Variants in DACH1 observed in about 807,000 individuals in gnomAD.
DACH1 encodes the protein dachshund family transcription factor 1.
In DACH1, 12 loss-of-function variants were observed where a neutral mutation model predicts 54.2. The ratio of observed to expected loss-of-function variants is 0.22; its 90% CI spans 0.14 to 0.36. DACH1 has a LOEUF of 0.36. Among genes scored for constraint, DACH1 ranks in the 10% least tolerant of loss-of-function variants. DACH1 has a pLI of 1.00. For missense variants in DACH1, 805 were observed against 929.8 expected (o/e 0.87, Z 1.75); for synonymous variants, 386 against 366.2 (o/e 1.05, Z -0.62).
intron 2 of DACH1, among the ~76,000 whole-genome samples, chr13:71,679,704 G>A (rs780560103): frequency 2.0e-5 from 3 of 151,972 alleles, no homozygotes; most frequent in Non-Finnish European, 4.4e-5. Flanking sequence ...TGAAAAGTTG[G>A]CCAGGCGCAG....
intron 1 of DACH1, among the ~76,000 whole-genome samples, chr13:71,865,159 A>G (rs1043470921): frequency 6.6e-6 from 1 of 151,574 alleles, no homozygotes; most frequent in Admixed American, 6.6e-5. Flanking sequence ...GTACCCCTTT[A>G]TTTCCTTTGC....
intron 1 of DACH1, among the ~76,000 whole-genome samples, chr13:71,701,179 T>C (rs1882120784): frequency 6.6e-6 from 1 of 152,172 alleles, no homozygotes; most frequent in African/African-American, 2.4e-5. Flanking sequence ...AAAACACAGA[T>C]TCATTTAAAT....
At chr13:71,829,093 T>C (rs2138201858) in intron 1 of DACH1, among the ~76,000 whole-genome samples, 1 of 152,102 alleles carries the variant, frequency 6.6e-6, no homozygotes, top group South Asian at 2.1e-4. Flanking sequence ...CTTAAATATT[T>C]TAGTTTAAAT....
intron 1 of DACH1, among the ~76,000 whole-genome samples, chr13:71,727,761 C>T (rs1594142825): frequency 6.6e-6 from 1 of 152,004 alleles, no homozygotes. Context: ...ATCACTGATT[C>T]TATATTTAAT....
chr13:71,806,592 T>C (rs191579754), intron 1 of DACH1, among the ~76,000 whole-genome samples: 4 of 152,330 alleles, frequency 2.6e-5, no homozygotes, highest in Admixed American at 2.6e-4. Context: ...CTGTTACATA[T>C]CAGTACTTGT....
chr13:71,482,914 C>A (rs1878172486), intron 7 of DACH1, among the ~76,000 whole-genome samples: 1 of 151,636 alleles, frequency 6.6e-6, no homozygotes, highest in Non-Finnish European at 1.5e-5. Context: ...GATTCTCCTG[C>A]CTCAGCCTCC....
Position 71,866,590 on chromosome 13 carries a change from G to T in DACH1, c.180C>A (p.Ile60=). 1.5e-6 allele frequency: 2 copies of T among 1,298,444 alleles called. No individual in the cohort carries two copies. Among genetic ancestry groups the T allele is most frequent in the African/African-American group, 1.5e-5 (1 of 66,132 alleles). 80.4% of individuals were successfully genotyped at this position (1,298,444 alleles called of 1,614,324 possible). The part of the protein sequence containing the change: ...SGPTLFRPEP[I]ASAAAAAATV... ...TGGCCGCCGCCGCCGCCGCCGAAGC[G>T]ATGGGCTCCGGGCGGAACAGAGTTG... Residue 60 remains isoleucine, a synonymous_variant, in exon 1 of 11, where the codon ATC becomes ATA. Transcript: ENST00000613252.
intron 1 of DACH1, among the ~76,000 whole-genome samples, chr13:71,693,275 C>A (rs1451788093): frequency 6.7e-6 from 1 of 149,836 alleles, no homozygotes; most frequent in Non-Finnish European, 1.5e-5. Flanking sequence ...TATGATAATA[C>A]CCTCTTATCC....
At chr13:71,765,878 T>C (rs1026732563) in intron 1 of DACH1, among the ~76,000 whole-genome samples, 20 of 136,660 alleles carry the variant, frequency 1.5e-4, no homozygotes, top group Non-Finnish European at 3.0e-4. Context: ...ATTCTTCTTC[T>C]TCTTCATTTT....
At chr13:71,608,373 A>G (rs1875046822) in intron 3 of DACH1, among the ~76,000 whole-genome samples, 1 of 152,160 alleles carries the variant, frequency 6.6e-6, no homozygotes, top group African/African-American at 2.4e-5. Flanking sequence ...AGAGAAAATG[A>G]ATATGTTGGT....
intron 10 of DACH1, among the ~76,000 whole-genome samples, chr13:71,450,770 G>T (rs1178519860): frequency 1.3e-5 from 2 of 152,128 alleles, no homozygotes; most frequent in Non-Finnish European, 2.9e-5. Context: ...CCTTATTGCT[G>T]ATATGGAGAA....
intron 10 of DACH1, among the ~76,000 whole-genome samples, chr13:71,470,527 C>T (rs1190391806): frequency 6.6e-6 from 1 of 152,050 alleles, no homozygotes; most frequent in Non-Finnish European, 1.5e-5. Flanking sequence ...TGGGGTTTCA[C>T]TATGTTGGCC....
At chr13:71,736,989 G>A (rs972392643) in intron 1 of DACH1, among the ~76,000 whole-genome samples, 13 of 152,138 alleles carry the variant, frequency 8.5e-5, no homozygotes, top group Admixed American at 1.3e-4. Context: ...GGTGGCTCAC[G>A]CCTATAATCC....
intron 3 of DACH1, among the ~76,000 whole-genome samples, chr13:71,599,521 A>C (rs1005009447): frequency 5.9e-5 from 9 of 152,110 alleles, no homozygotes; most frequent in African/African-American, 2.2e-4. Context: ...TAAGAGAGAC[A>C]CTCAAAGCTA....
intron 1 of DACH1, among the ~76,000 whole-genome samples, chr13:71,803,153 C>T (rs1420935762): frequency 6.6e-6 from 1 of 151,906 alleles, no homozygotes; most frequent in Non-Finnish European, 1.5e-5. Flanking sequence ...AACAAGATAC[C>T]AATTTAATAT....
At chr13:71,584,347 T>C (rs1355282361) in intron 3 of DACH1, among the ~76,000 whole-genome samples, 2 of 152,180 alleles carry the variant, frequency 1.3e-5, no homozygotes, top group Admixed American at 6.5e-5. Context: ...CTATGAAGAG[T>C]TGCTTTTCAG....
chr13:71,598,485 C>A (rs1036528984), intron 3 of DACH1, among the ~76,000 whole-genome samples: 1 of 152,066 alleles, frequency 6.6e-6, no homozygotes, highest in African/African-American at 2.4e-5. Flanking sequence ...GAACTCCTGA[C>A]CCCATGATCC....
At chr13:71,460,074 G>A (rs1324484227) in intron 10 of DACH1, among the ~76,000 whole-genome samples, 3 of 151,980 alleles carry the variant, frequency 2.0e-5, no homozygotes, top group African/African-American at 7.2e-5. Flanking sequence ...AAAGAAAAGA[G>A]TCATACATAA....
chr13:71,725,479 C>G (rs554911200), intron 1 of DACH1, among the ~76,000 whole-genome samples: 1 of 151,956 alleles, frequency 6.6e-6, no homozygotes, highest in East Asian at 1.9e-4. Flanking sequence ...AGGAGTGGTA[C>G]CAATAAGAGT....
Sources: allele counts gnomAD v4.1 joint callset (sites outside exome capture counted in the v4.1 genomes callset), GRCh38; gene constraint gnomAD v4.1.1; transcripts MANE v1.5; gene names NCBI Gene and HGNC (gene_info 2026-07-23, HGNC 2026-07-21).